Variants in VSIG10 observed in about 807,000 individuals in gnomAD.
VSIG10 encodes V-set and immunoglobulin domain containing 10.
In VSIG10, 48 loss-of-function variants were observed where a neutral mutation model predicts 58.7. That is an observed-to-expected ratio of 0.82 (90% CI 0.65 to 1.04). VSIG10 has a LOEUF of 1.04. VSIG10 is among the 50% of genes least tolerant of loss of function. The probability of loss-of-function intolerance (pLI) is 0.00; values close to 1 mark genes in which losing one functional copy is unlikely to be tolerated. For synonymous variants in VSIG10, 260 were observed against 267.1 expected (o/e 0.97, Z 0.26); for missense variants, 628 against 670.0 (o/e 0.94, Z 0.69).
rs2032171565 is a variant in VSIG10, at chr12:118,064,234, A to C, written c.*2405T>G. The C allele has an allele frequency of 6.6e-6, 1 of 152,218 alleles. No individual in the cohort carries two copies. The highest frequency in any genetic ancestry group is 6.5e-5 in the Admixed American group (1 of 15,278). 9.4% of individuals were successfully genotyped at this position (152,218 alleles called of 1,614,324 possible). On this transcript the variant is annotated 3_prime_UTR_variant, in exon 9 of 9. Transcript: ENST00000359236. The stretch of plus-strand genomic sequence containing the variant: ...TACCTGACCCAGGATATTACTGTGC[A>C]CACAGGACTCAGATATGTGACAGCA...
chr12:118,095,466 C>T (rs1305597853), intron 2 of VSIG10, 67 bp downstream of exon 2: 1 of 1,583,786 alleles, frequency 6.3e-7, no homozygotes, highest in Admixed American at 1.7e-5. Context: ...ATATTCCTGA[C>T]CATGGTCTCC....
At chr12:118,080,506 G>C (rs1472058071) in intron 3 of VSIG10, among the ~76,000 whole-genome samples, 2 of 151,994 alleles carry the variant, frequency 1.3e-5, no homozygotes, top group Admixed American at 1.3e-4. Context: ...ATTTGTGTAT[G>C]GGAGTGTTTG....
intron 4 of VSIG10, among the ~76,000 whole-genome samples, chr12:118,076,161 ATTCTC>A (rs1419478716): frequency 2.6e-5 from 4 of 152,166 alleles, no homozygotes; most frequent in African/African-American, 9.7e-5. Flanking sequence ...AAGCACATTT[ATTCTC>A]TTAACAGTTG....
chr12:118,085,852 CAAAA>C (rs1255347303), intron 2 of VSIG10, among the ~76,000 whole-genome samples: 2 of 47,894 alleles, frequency 4.2e-5, no homozygotes. Flanking sequence ...GACTTCGTCT[CAAAA>C]AAAAAAAAAA....
At chr12:118,077,382 C>T (rs1338301969) in intron 4 of VSIG10, among the ~76,000 whole-genome samples, 1 of 152,114 alleles carries the variant, frequency 6.6e-6, no homozygotes, top group Non-Finnish European at 1.5e-5. Context: ...ATAAAGGCCT[C>T]CCTTTTATAT....
chr12:118,079,725 G>C (rs2032875635), intron 3 of VSIG10, 119 bp from the exon 4 acceptor site: 1 of 1,342,562 alleles, frequency 7.4e-7, no homozygotes, highest in Non-Finnish European at 1.0e-6. Context: ...GTTAGTGTTA[G>C]CATCTAATAG....
chr12:118,073,903 G>A lies in VSIG10; in HGVS notation c.1015C>T (p.Pro339Ser), dbSNP rs2032604660. 6.2e-7 allele frequency: 1 copy of A among 1,613,832 alleles called. No homozygotes were observed. The highest frequency in any genetic ancestry group is 8.5e-7 in the Non-Finnish European group (1 of 1,179,802). ...TTCCTCAGCCACAGGATCTTGGCAG[G>A]GGGGTAGGCCCCAGACACCTGGCAT... Reference protein sequence around the residue: ...LTCQVSGAYPPAKILWLRNLT... With the variant: ...LTCQVSGAYPSAKILWLRNLT... The change falls in exon 5 of 9, where the codon CCT becomes TCT. Residue 339 changes from proline to serine, a missense_variant. By Grantham distance (74) the Pro-to-Ser change is moderately conservative (BLOSUM62 -1). Coordinates refer to ENST00000359236, the MANE Select transcript of VSIG10 (RefSeq NM_019086.6).
intron 2 of VSIG10, among the ~76,000 whole-genome samples, chr12:118,083,945 AC>A (rs2033044155): frequency 6.6e-6 from 1 of 151,918 alleles, no homozygotes; most frequent in Non-Finnish European, 1.5e-5. Context: ...ACATGGCAAA[AC>A]CCCATCTCAA....
At chr12:118,076,368 CTT>C (rs57070820) in intron 4 of VSIG10, among the ~76,000 whole-genome samples, 59 of 139,370 alleles carry the variant, frequency 4.2e-4, no homozygotes, top group Admixed American at 7.9e-4. Flanking sequence ...TGCACGGTCC[CTT>C]TTTTTTTTTT....
intron 3 of VSIG10, 109 bp downstream of exon 3, chr12:118,082,016 TTA>T (rs1491563735): frequency 2.1e-6 from 2 of 956,314 alleles, no homozygotes; most frequent in Non-Finnish European, 2.8e-6. Context: ...AAACTCCATC[TTA>T]AAAAAAAAAA....
At chr12:118,075,784 T>C (rs924069017) in intron 4 of VSIG10, among the ~76,000 whole-genome samples, 3 of 152,232 alleles carry the variant, frequency 2.0e-5, no homozygotes, top group Non-Finnish European at 2.9e-5. Flanking sequence ...CCTGTTATTA[T>C]GCCCATTTTG....
intron 3 of VSIG10, among the ~76,000 whole-genome samples, chr12:118,080,543 A>C (rs1216129509): frequency 1.3e-5 from 2 of 152,078 alleles, no homozygotes; most frequent in Admixed American, 6.6e-5. Context: ...TCCTGAGATA[A>C]AGATTCACAC....
chr12:118,098,483 C>T (rs1376147614), intron 1 of VSIG10, among the ~76,000 whole-genome samples: 2 of 152,164 alleles, frequency 1.3e-5, no homozygotes, highest in Non-Finnish European at 2.9e-5. Flanking sequence ...GGACTGTGTG[C>T]CCACTCTGGA....
At chr12:118,077,195 C>T (rs982338286) in intron 4 of VSIG10, among the ~76,000 whole-genome samples, 16 of 152,106 alleles carry the variant, frequency 1.1e-4, no homozygotes, top group East Asian at 3.8e-4. Flanking sequence ...GGTCTTCTCT[C>T]GGGTCCTCAA....
In VSIG10 at chr12:118,103,953, A is replaced by G. The variant is rs1360304701; in HGVS notation, c.-282T>C. On this transcript the variant is annotated 5_prime_UTR_variant, in exon 1 of 9. Coordinates refer to ENST00000359236, the MANE Select transcript of VSIG10 (RefSeq NM_019086.6). ...CCCGCCAGCCTACTCCTGCCGGCGGAAAACAACAGGAGCGGGATCCCTCCC... is the reference window on the plus strand; with the variant it reads ...CCCGCCAGCCTACTCCTGCCGGCGGGAAACAACAGGAGCGGGATCCCTCCC... 1 of 352,264 alleles carries G rather than the reference A, an allele frequency of 2.8e-6. No homozygotes were observed. Among genetic ancestry groups the G allele is most frequent in the Non-Finnish European group, 5.1e-6 (1 of 195,164 alleles). 21.8% of individuals were successfully genotyped at this position (352,264 alleles called of 1,614,324 possible).
At chr12:118,082,528 G>T (rs1188281466) in intron 2 of VSIG10, 99 bp from the exon 3 acceptor site, 1 of 1,214,214 alleles carries the variant, frequency 8.2e-7, no homozygotes, top group East Asian at 2.4e-5. Context: ...AATAGCCAAT[G>T]AAGAGTATGG....
rs1372175742 is a variant in VSIG10, at chr12:118,083,047, A to C, written c.362-618T>G. Among the ~76,000 whole-genome samples the C allele has an allele frequency of 9.4e-5, 12 of 128,296 alleles. No individual in the cohort carries two copies. The Admixed American group carries it at 9.7e-4, about 10-fold the overall frequency. The allele number at this position is 128,296 out of a possible 152,430, so 84.2% of individuals were successfully genotyped here. A position where few individuals can be genotyped will look rare whatever the true frequency, so the allele number is the denominator to read the frequency against. On this transcript the variant is annotated intron_variant, in intron 2 of 8. Coordinates refer to ENST00000359236, the MANE Select transcript of VSIG10 (RefSeq NM_019086.6). Reference sequence around the variant, plus strand: ...AGAATCACTTGAACCTGGGAGATGGATGTTGTAGGGAGCCGATATTGCGCC... The same window carrying C: ...AGAATCACTTGAACCTGGGAGATGGCTGTTGTAGGGAGCCGATATTGCGCC...
intron 1 of VSIG10, among the ~76,000 whole-genome samples, chr12:118,099,314 C>T (rs1042402810): frequency 4.5e-5 from 6 of 133,362 alleles, no homozygotes; most frequent in African/African-American, 1.1e-4. Flanking sequence ...GGAGGGGCGG[C>T]GGGTTGGGGT....
At chr12:118,078,228 G>A (rs113471679) in intron 4 of VSIG10, among the ~76,000 whole-genome samples, 4,398 of 152,138 alleles carry the variant, frequency 0.029, 204 homozygotes, top group African/African-American at 0.1. Context: ...GTGCGATCTC[G>A]GCTCACTGGA....
Sources: allele counts gnomAD v4.1 joint callset (sites outside exome capture counted in the v4.1 genomes callset), GRCh38; gene constraint gnomAD v4.1.1; transcripts MANE v1.5; gene names NCBI Gene and HGNC (gene_info 2026-07-23, HGNC 2026-07-21).